The following RAD51B variants were observed in gnomAD, a reference collection of about 807,000 sequenced individuals.
The protein encoded by RAD51B is DNA repair protein RAD51 homolog 2.
RAD51B carries 38 observed loss-of-function variants against 42.2 expected under a neutral mutation model. The observed-to-expected ratio is 0.90, with a 90% confidence interval of 0.70 to 1.18. The LOEUF is 1.18. Ranked by LOEUF, RAD51B falls within the 50% of genes most tolerant of loss-of-function variation. The pLI is 0.00. For synonymous variants in RAD51B, 154 were observed against 145.2 expected (o/e 1.06, Z -0.43); for missense variants, 373 against 400.7 (o/e 0.93, Z 0.59).
chr14:68,496,901 G>A (rs532344145), intron 10 of RAD51B, among the ~76,000 whole-genome samples: 74 of 152,088 alleles, frequency 4.9e-4, no homozygotes, highest in Non-Finnish European at 9.1e-4. Context: ...TCTCCCTATG[G>A]GCATTTTTCT....
At chr14:67,986,084 C>G (rs1329543352) in intron 7 of RAD51B, among the ~76,000 whole-genome samples, 1 of 152,144 alleles carries the variant, frequency 6.6e-6, no homozygotes, top group East Asian at 1.9e-4. Context: ...TGTGCACGTA[C>G]GTGCTATGGT....
At chr14:68,444,297 G>A (rs1001911228) in intron 9 of RAD51B, among the ~76,000 whole-genome samples, 4 of 152,180 alleles carry the variant, frequency 2.6e-5, no homozygotes, top group African/African-American at 9.7e-5. Context: ...TCTCTTGTGC[G>A]AAGTCCTCTA....
At chr14:68,603,093 C>T (rs944646984) in intron 10 of RAD51B, among the ~76,000 whole-genome samples, 1 of 152,126 alleles carries the variant, frequency 6.6e-6, no homozygotes, top group Non-Finnish European at 1.5e-5. Context: ...TTACGTGTTC[C>T]TCTCCTCTCC....
intron 7 of RAD51B, among the ~76,000 whole-genome samples, chr14:67,974,850 CTG>C (rs2074961746): frequency 6.6e-6 from 1 of 152,102 alleles, no homozygotes; most frequent in African/African-American, 2.4e-5. Context: ...TAGTTGTGAA[CTG>C]TATCAACTTT....
rs116801779 is a variant in RAD51B at position 68,358,973 on chromosome 14, G to A, written c.854-52451G>A. On this transcript the variant is annotated intron_variant, in intron 8 of 10. Transcript: ENST00000471583. ...GACTGGGCCATGCCCCTCTGCTGCA[G>A]TACCAGCACAGAATGACAGAATTGT... Among the ~76,000 whole-genome samples the A allele has an allele frequency of 2.8e-3, 433 of 152,288 alleles. 3 individuals carry two copies. Among genetic ancestry groups the A allele is most frequent in the African/African-American group, 0.01 (423 of 41,556 alleles).
At chr14:67,846,891 G>T (rs2041634586) in intron 4 of RAD51B, among the ~76,000 whole-genome samples, 1 of 152,142 alleles carries the variant, frequency 6.6e-6, no homozygotes, top group Non-Finnish European at 1.5e-5. Context: ...AACCCTCTGG[G>T]TTCCACACTG....
chr14:68,583,342 A>C (rs1451802151), intron 10 of RAD51B, among the ~76,000 whole-genome samples: 1 of 152,148 alleles, frequency 6.6e-6, no homozygotes, highest in Non-Finnish European at 1.5e-5. Flanking sequence ...TGGGAGGAGA[A>C]GCTGTAAAAT....
intron 8 of RAD51B, among the ~76,000 whole-genome samples, chr14:68,370,205 T>A (rs1353781276): frequency 1.3e-5 from 2 of 152,238 alleles, no homozygotes; most frequent in Non-Finnish European, 2.9e-5. Flanking sequence ...AGGAAGGGAT[T>A]TGCCTGTTAC....
intron 10 of RAD51B, among the ~76,000 whole-genome samples, chr14:68,543,951 C>A (rs944009852): frequency 5.3e-5 from 8 of 152,106 alleles, no homozygotes; most frequent in Admixed American, 2.0e-4. Flanking sequence ...AAAATTAAGT[C>A]AAAGAATAAA....
chr14:67,823,543 C>T lies in RAD51B; in HGVS notation c.-1C>T. ...TTCTTTTCTTTGCTGGATCTGGAGG[C>T]ATGGGTAGCAAGAAACTAAAACGAG... On this transcript the variant is annotated splice_region_variant and 5_prime_UTR_variant, in exon 2 of 11. Coordinates refer to ENST00000471583, the MANE Select transcript of RAD51B (RefSeq NM_133510.4). 6.2e-7 allele frequency: 1 copy of T among 1,613,010 alleles called. No individual in the cohort carries two copies. The highest frequency in any genetic ancestry group is 8.5e-7 in the Non-Finnish European group (1 of 1,179,448).
intron 7 of RAD51B, among the ~76,000 whole-genome samples, chr14:68,045,095 G>A (rs1464995528): frequency 6.6e-6 from 1 of 151,794 alleles, no homozygotes; most frequent in African/African-American, 2.4e-5. Flanking sequence ...AATTAGCCAG[G>A]TGTGGTGGTG....
At chr14:68,440,241 CA>C (rs1451938698) in intron 9 of RAD51B, among the ~76,000 whole-genome samples, 1 of 152,156 alleles carries the variant, frequency 6.6e-6, no homozygotes, top group Non-Finnish European at 1.5e-5. Flanking sequence ...AGGCATTATC[CA>C]ACTGCAGAAT....
intron 7 of RAD51B, among the ~76,000 whole-genome samples, chr14:67,928,471 A>T (rs116928233): frequency 0.011 from 1,709 of 152,244 alleles, 16 homozygotes; most frequent in Non-Finnish European, 0.018. Flanking sequence ...TGATTTGCAT[A>T]CAGCCCAGGG....
chr14:68,659,162 C>T (rs1372326933), intron 11 of RAD51B, among the ~76,000 whole-genome samples: 3 of 152,232 alleles, frequency 2.0e-5, no homozygotes, highest in South Asian at 2.1e-4. Context: ...TCTCCACCCA[C>T]GGAGCCTTTT....
chr14:67,982,010 C>A (rs948687892), intron 7 of RAD51B, among the ~76,000 whole-genome samples: 1 of 152,172 alleles, frequency 6.6e-6, no homozygotes, highest in Non-Finnish European at 1.5e-5. Flanking sequence ...AGTCTAGGCT[C>A]ACTGCAGCCT....
intron 7 of RAD51B, among the ~76,000 whole-genome samples, chr14:68,030,995 T>C (rs2076032715): frequency 1.3e-5 from 2 of 152,226 alleles, no homozygotes; most frequent in Non-Finnish European, 2.9e-5. Context: ...CATTTATCAA[T>C]TAAGTTTACT....
At chr14:68,037,755 CAT>C (rs1047126788) in intron 7 of RAD51B, among the ~76,000 whole-genome samples, 5 of 152,208 alleles carry the variant, frequency 3.3e-5, no homozygotes, top group Non-Finnish European at 5.9e-5. Flanking sequence ...TGTTCTTCCA[CAT>C]GTTTGTTTTG....
intron 8 of RAD51B, among the ~76,000 whole-genome samples, chr14:68,394,949 C>T (rs1167944064): frequency 1.3e-5 from 2 of 152,192 alleles, no homozygotes; most frequent in African/African-American, 4.8e-5. Flanking sequence ...CGCCAGTGCC[C>T]CAGTGAGCTG....
intron 10 of RAD51B, among the ~76,000 whole-genome samples, chr14:68,585,898 C>T (rs1890442416): frequency 6.6e-6 from 1 of 152,156 alleles, no homozygotes; most frequent in South Asian, 2.1e-4. Flanking sequence ...GGGGAGACAA[C>T]TCAGCCCACG....
Sources: allele counts gnomAD v4.1 joint callset (sites outside exome capture counted in the v4.1 genomes callset), GRCh38; gene constraint gnomAD v4.1.1; transcripts MANE v1.5; gene names NCBI Gene and HGNC (gene_info 2026-07-23, HGNC 2026-07-21).